LAMB1: variants seen among roughly 807,000 people sequenced by gnomAD.
LAMB1 encodes laminin subunit beta 1, also known as laminin subunit beta-1.
In LAMB1, 121 loss-of-function variants were observed where a neutral mutation model predicts 222.3. The observed-to-expected ratio is 0.54, with a 90% CI of 0.47 to 0.63. LAMB1 has a LOEUF of 0.63. Ranked by LOEUF, LAMB1 falls within the 30% of genes least tolerant of loss-of-function variation. LAMB1 has a pLI of 0.00. For missense variants in LAMB1, 2,172 were observed against 2,240.8 expected (o/e 0.97, Z 0.62); for synonymous variants, 794 against 807.2 (o/e 0.98, Z 0.28).
At chr7:107,931,282 G>T in intron 29 of LAMB1, 74 bp downstream of exon 29, 88 of 1,219,102 alleles carry the variant, frequency 7.2e-5, no homozygotes, top group Middle Eastern at 2.2e-4. Flanking sequence ...TGACAGAAAT[G>T]GATTTTATCT....
chr7:107,955,363 T>G, intron 21 of LAMB1, 104 bp downstream of exon 21: 1 of 992,788 alleles, frequency 1.0e-6, no homozygotes, highest in Non-Finnish European at 1.4e-6. Context: ...ATTATAAAAG[T>G]AGACTTAATT....
chr7:108,001,210 G>A (rs577031988), intron 3 of LAMB1, among the ~76,000 whole-genome samples: 1 of 152,184 alleles, frequency 6.6e-6, no homozygotes, highest in Non-Finnish European at 1.5e-5. Flanking sequence ...GGAAACCCAA[G>A]GGTTTTAAAA....
rs373235081 is a variant in LAMB1 at position 107,940,240 on chromosome 7, C to T, written c.3510G>A (p.Ser1170=). 123 of 1,614,204 alleles carry T rather than the reference C, an allele frequency of 7.6e-5. 1 individual carries two copies. The highest frequency in any genetic ancestry group is 6.3e-4 in the African/African-American group (47 of 75,046). The change falls in exon 25 of 34, where the codon TCG becomes TCA. Residue 1170 remains serine (S), a synonymous_variant. Transcript: ENST00000222399. ...AGGGTGTGCAGTCAGGGAAGACCCC[C>T]GAGTACCCTCGCGTGCACTTGTCAC... ...PRCDKCTRGY[S]GVFPDCTPCH...
chr7:107,935,743 TC>T (rs2032833402), intron 26 of LAMB1, 87 bp from the exon 27 acceptor site: 1 of 1,404,334 alleles, frequency 7.1e-7, no homozygotes, highest in Non-Finnish European at 9.6e-7. Context: ...TGTCTTCGGG[TC>T]CTAAATTTAC....
rs377387900 is a variant in LAMB1, at chr7:107,991,075, G to C, written c.423+3812C>G. On this transcript the variant is annotated intron_variant, in intron 5 of 33. Coordinates refer to ENST00000222399, the MANE Select transcript of LAMB1 (RefSeq NM_002291.3). ...GTCAATGGTTCCCAATTTTTTTTTGGTATTAATTTTTTTTAAAAGATTCAG... is the reference window on the plus strand; with the variant it reads ...GTCAATGGTTCCCAATTTTTTTTTGCTATTAATTTTTTTTAAAAGATTCAG... 1.1e-3 allele frequency among the ~76,000 whole-genome samples: 173 copies of C among 151,894 alleles called. 3 individuals carry two copies. In the South Asian group the frequency reaches 0.035, roughly 31 times the overall value.
At chr7:107,924,469 G>GCATGCATTCTGGATT (rs2032512505) in intron 32 of LAMB1, 80 bp from the exon 33 acceptor site, 3 of 1,122,960 alleles carry the variant, frequency 2.7e-6, no homozygotes, top group Non-Finnish European at 3.7e-6. Flanking sequence ...TGTAATCATG[G>GCATGCATTCTGGATT]CATGCATTCT....
At chr7:107,931,785 G>T in intron 28 of LAMB1, 1 of 475,476 alleles carries the variant, frequency 2.1e-6, no homozygotes. Flanking sequence ...CTTTTTCTCA[G>T]GTGCCCACAT....
intron 20 of LAMB1, among the ~76,000 whole-genome samples, chr7:107,956,056 C>G (rs111661298): frequency 0.019 from 2,870 of 152,306 alleles, 82 homozygotes; most frequent in African/African-American, 0.065. Flanking sequence ...ACCACCATGC[C>G]CGGCTAATTT....
chr7:107,994,558 C>T (rs1353803828), intron 5 of LAMB1, among the ~76,000 whole-genome samples: 2 of 152,088 alleles, frequency 1.3e-5, no homozygotes, highest in Non-Finnish European at 2.9e-5. Context: ...CACAAGGGAC[C>T]AGGGATTTAC....
chr7:107,985,636 AC>A (rs1481421809), intron 7 of LAMB1, among the ~76,000 whole-genome samples: 2 of 143,346 alleles, frequency 1.4e-5, no homozygotes, highest in African/African-American at 2.8e-5. Flanking sequence ...TCTCAAAAAA[AC>A]AAAACAAAAC....
intron 27 of LAMB1, 44 bp downstream of exon 27, chr7:107,935,371 T>TGG: frequency 2.5e-6 from 3 of 1,195,244 alleles, no homozygotes; most frequent in Non-Finnish European, 3.2e-6. Context: ...TTTTTTTTTT[T>TGG]TTGCTTGGCA....
chr7:107,955,261 G>T (rs2033349693), intron 21 of LAMB1, among the ~76,000 whole-genome samples: 1 of 152,140 alleles, frequency 6.6e-6, no homozygotes, highest in South Asian at 2.1e-4. Flanking sequence ...CCTGCTTTGT[G>T]TTATAACGTT....
chr7:107,962,707 CAAA>C (rs57580761), intron 15 of LAMB1, among the ~76,000 whole-genome samples, 195 bp downstream of exon 15: 30 of 98,666 alleles, frequency 3.0e-4, no homozygotes, highest in East Asian at 9.6e-4. Context: ...GAGCGAGACT[CAAA>C]AAAAAAAAAA....
intron 24 of LAMB1, among the ~76,000 whole-genome samples, chr7:107,950,870 A>G (rs1209799954): frequency 6.6e-6 from 1 of 152,060 alleles, no homozygotes; most frequent in Non-Finnish European, 1.5e-5. Flanking sequence ...TAGGGTTCAC[A>G]TGGTCCCACC....
intron 7 of LAMB1, among the ~76,000 whole-genome samples, chr7:107,984,614 C>T (rs1420403828): frequency 2.6e-5 from 4 of 152,092 alleles, no homozygotes; most frequent in Non-Finnish European, 4.4e-5. Context: ...GAGGTGAGGA[C>T]ATAGTGGTGG....
chr7:107,952,437 A>G (rs559015697), intron 22 of LAMB1, among the ~76,000 whole-genome samples: 3 of 152,368 alleles, frequency 2.0e-5, no homozygotes, highest in African/African-American at 7.2e-5. Flanking sequence ...TCCCAGATAC[A>G]CACAATGACA....
chr7:107,925,553 C>A (rs748211547), intron 32 of LAMB1, among the ~76,000 whole-genome samples: 1 of 151,986 alleles, frequency 6.6e-6, no homozygotes, highest in Non-Finnish European at 1.5e-5. Flanking sequence ...TGGTTTTAAG[C>A]CCCACCCCGG....
chr7:107,960,286 A>G (rs1013817679), intron 18 of LAMB1, among the ~76,000 whole-genome samples, 159 bp downstream of exon 18: 1 of 152,218 alleles, frequency 6.6e-6, no homozygotes, highest in African/African-American at 2.4e-5. Context: ...CTTTCACTGA[A>G]ATATTACTTA....
Position 107,986,291 on chromosome 7 carries a change from A to T in LAMB1, c.496T>A (p.Phe166Ile). 1 of 1,614,178 alleles carries T rather than the reference A, an allele frequency of 6.2e-7. No homozygotes were observed. Among genetic ancestry groups the T allele is most frequent in the Non-Finnish European group, 8.5e-7 (1 of 1,180,008 alleles). ...FGKTWGVYRY[F>I]AYDCEASFPG... The stretch of plus-strand genomic sequence containing the variant: ...AACGAGGCCTCACAGTCATAGGCGA[A>T]GTATCTATACACACCCCAGGTTTTC... The change falls in exon 6 of 34, where the codon TTC becomes ATC. Residue 166 changes from phenylalanine (F) to isoleucine (I), a missense_variant. By Grantham distance (21) the Phe-to-Ile change is conservative (BLOSUM62 0). Coordinates refer to ENST00000222399, the MANE Select transcript of LAMB1 (RefSeq NM_002291.3).
Sources: gnomAD v4.1 joint callset for allele counts (sites outside exome capture counted in the v4.1 genomes callset) on GRCh38, gnomAD v4.1.1 for gene constraint, MANE v1.5 for transcripts, NCBI Gene and HGNC (gene_info 2026-07-23, HGNC 2026-07-21) for gene names.